Variants in PARD3 observed in about 807,000 individuals in gnomAD.
PARD3 encodes par-3 family cell polarity regulator, also known as partitioning defective 3 homolog.
A neutral mutation model predicts 155.4 loss-of-function variants in PARD3; 75 were observed. That is an observed-to-expected ratio of 0.48 (90% CI 0.40 to 0.58). The LOEUF (loss-of-function observed/expected upper bound fraction) is 0.58, where lower values mean the gene tolerates loss of function less well. PARD3 is among the 20% of genes least tolerant of loss of function. The pLI is 0.00. For missense variants in PARD3, 1,642 were observed against 1,721.7 expected (o/e 0.95, Z 0.82); for synonymous variants, 576 against 610.5 (o/e 0.94, Z 0.83).
intron 2 of PARD3, among the ~76,000 whole-genome samples, chr10:34,619,174 C>G (rs1251801837): frequency 2.0e-5 from 3 of 151,896 alleles, no homozygotes; most frequent in Non-Finnish European, 4.4e-5. Flanking sequence ...CCTCACCTTC[C>G]CAAGTAGCTG....
chr10:34,664,538 G>C (rs1341687963), intron 2 of PARD3, among the ~76,000 whole-genome samples: 1 of 151,820 alleles, frequency 6.6e-6, no homozygotes, highest in Non-Finnish European at 1.5e-5. Context: ...GCCCGGGCTG[G>C]AGTGCGGTGG....
intron 2 of PARD3, among the ~76,000 whole-genome samples, chr10:34,672,117 A>G (rs960902024): frequency 2.6e-5 from 4 of 152,122 alleles, no homozygotes; most frequent in Admixed American, 1.3e-4. Context: ...GCAGTGAGCC[A>G]TGATGACGCT....
At chr10:34,483,461 G>A (rs1208398592) in intron 3 of PARD3, among the ~76,000 whole-genome samples, 6 of 129,058 alleles carry the variant, frequency 4.6e-5, no homozygotes, top group African/African-American at 1.9e-4. Context: ...AAGCCTGGAC[G>A]ACAGAGTGAG....
chr10:34,227,854 TTTTATATATATATATATA>T lies in PARD3; in HGVS notation c.3419+41785_3419+41802del, dbSNP rs1456883637. Among the ~76,000 whole-genome samples, 4 of 26,506 alleles carry T rather than the reference TTTTATATATATATATATA, an allele frequency of 1.5e-4. 1 individual carries two copies. The highest frequency in any genetic ancestry group is 3.0e-4 in the African/African-American group (4 of 13,312). The allele number at this position is 26,506 out of a possible 152,430, so 17.4% of individuals were successfully genotyped here. On this transcript the variant is annotated intron_variant, in intron 22 of 24. Coordinates refer to ENST00000374788, the MANE Select transcript of PARD3 (RefSeq NM_001184785.2). ...TATATTCCCAGTAATGGGAATTATT[TTTTATATATATATATATA>T]TATATATATATACTGGGAATATATA... is the stretch of plus-strand genomic sequence containing the variant.
At chr10:34,351,829 T>C (rs1838118112) in intron 14 of PARD3, among the ~76,000 whole-genome samples, 1 of 152,152 alleles carries the variant, frequency 6.6e-6, no homozygotes. Context: ...TGCTTCTAAA[T>C]TACTTTGCCA....
At chr10:34,726,191 C>T (rs1476399669) in intron 1 of PARD3, among the ~76,000 whole-genome samples, 1 of 152,214 alleles carries the variant, frequency 6.6e-6, no homozygotes, top group East Asian at 1.9e-4. Context: ...CACGATGGCT[C>T]ATGCCTGTAA....
intron 22 of PARD3, among the ~76,000 whole-genome samples, chr10:34,164,925 G>T (rs137863764): frequency 6.6e-5 from 10 of 152,166 alleles, no homozygotes. Context: ...TACTGAAAAG[G>T]TTCTCAAGAA....
chr10:34,696,751 A>G (rs1238378228), intron 1 of PARD3, among the ~76,000 whole-genome samples: 2 of 150,950 alleles, frequency 1.3e-5, no homozygotes, highest in African/African-American at 4.9e-5. Flanking sequence ...TATATGAAAT[A>G]CTTATTATAC....
intron 2 of PARD3, among the ~76,000 whole-genome samples, chr10:34,560,960 T>C (rs777630058): frequency 1.3e-5 from 2 of 152,132 alleles, no homozygotes; most frequent in African/African-American, 2.4e-5. Flanking sequence ...TGTGCGCAGG[T>C]GAGGACTCCC....
intron 2 of PARD3, among the ~76,000 whole-genome samples, chr10:34,607,805 A>G (rs2090584533): frequency 6.6e-6 from 1 of 152,174 alleles, no homozygotes. Context: ...AGAATTAAGA[A>G]CCAAAGCTTT....
intron 2 of PARD3, among the ~76,000 whole-genome samples, chr10:34,543,613 C>A (rs1055637054): frequency 5.3e-5 from 8 of 152,180 alleles, no homozygotes; most frequent in African/African-American, 1.7e-4. Flanking sequence ...TGCAACTATA[C>A]AACAGAAGAA....
At chr10:34,313,707 A>G (rs1448870811) in intron 20 of PARD3, among the ~76,000 whole-genome samples, 1 of 152,184 alleles carries the variant, frequency 6.6e-6, no homozygotes, top group African/African-American at 2.4e-5. Context: ...TATTTAACCA[A>G]ATATCACAGA....
chr10:34,596,436 A>G (rs2089267103), intron 2 of PARD3, among the ~76,000 whole-genome samples: 1 of 152,198 alleles, frequency 6.6e-6, no homozygotes, highest in East Asian at 1.9e-4. Context: ...GGGAGGACTC[A>G]GCAAGCTTAC....
intron 23 of PARD3, among the ~76,000 whole-genome samples, chr10:34,122,447 A>G (rs1216429659): frequency 2.0e-5 from 3 of 152,224 alleles, no homozygotes; most frequent in Admixed American, 6.5e-5. Flanking sequence ...ATACATTCCA[A>G]TGATGACATT....
chr10:34,273,759 G>C (rs1474826323), intron 21 of PARD3, among the ~76,000 whole-genome samples: 2 of 152,006 alleles, frequency 1.3e-5, no homozygotes, highest in Non-Finnish European at 2.9e-5. Flanking sequence ...TTGTCACATA[G>C]CATTACAAGC....
At chr10:34,638,875 T>TA (rs1374909941) in intron 2 of PARD3, among the ~76,000 whole-genome samples, 1 of 152,202 alleles carries the variant, frequency 6.6e-6, no homozygotes, top group African/African-American at 2.4e-5. Flanking sequence ...TTTGTTACTA[T>TA]ATACGTATGA....
intron 1 of PARD3, among the ~76,000 whole-genome samples, chr10:34,737,814 G>A (rs888855191): frequency 2.0e-5 from 3 of 152,242 alleles, no homozygotes; most frequent in South Asian, 2.1e-4. Context: ...ATAGCAACAC[G>A]AATGAACTAA....
Position 34,232,663 on chromosome 10 carries a change from A to G in PARD3, c.3419+36994T>C, listed in dbSNP as rs191921876. The stretch of plus-strand genomic sequence containing the variant: ...TATAGAGAAAGTAACTGGGAAGGGT[A>G]GGTAGGATTGTTGCCTCCTGGCAGG... On this transcript the variant is annotated intron_variant, in intron 22 of 24. Coordinates refer to ENST00000374788, the MANE Select transcript of PARD3 (RefSeq NM_001184785.2). Among the ~76,000 whole-genome samples the G allele has an allele frequency of 2.0e-5, 3 of 152,270 alleles. No homozygotes were observed. The East Asian group carries it at 5.8e-4, about 29-fold the overall frequency.
chr10:34,288,896 T>C (rs1040917181), intron 20 of PARD3, among the ~76,000 whole-genome samples: 3 of 152,194 alleles, frequency 2.0e-5, no homozygotes, highest in Non-Finnish European at 4.4e-5. Context: ...AAAGGTAAAG[T>C]GGCCACCTAC....
Sources: gnomAD v4.1 joint callset for allele counts (sites outside exome capture counted in the v4.1 genomes callset) on GRCh38, gnomAD v4.1.1 for gene constraint, MANE v1.5 for transcripts, NCBI Gene and HGNC (gene_info 2026-07-23, HGNC 2026-07-21) for gene names.